Variants in DENND6A observed in about 807,000 individuals in gnomAD.
DENND6A encodes DENN domain containing 6A.
In DENND6A, 43 loss-of-function variants were observed where a neutral mutation model predicts 95.5. The ratio of observed to expected loss-of-function variants is 0.45; its 90% CI spans 0.35 to 0.58. The LOEUF is 0.58. DENND6A is among the 20% of genes least tolerant of loss of function. The pLI is 0.00. For synonymous variants in DENND6A, 257 were observed against 260.4 expected (o/e 0.99, Z 0.13); for missense variants, 574 against 736.0 (o/e 0.78, Z 2.55).
In DENND6A at chr3:57,693,039, G is replaced by C; in HGVS notation, c.-21C>G. ...GCCATCGGCCGCCCCCTGACCGTTC[G>C]CGCCGCCTCCACAGCGGACCGCGCC... is the stretch of plus-strand genomic sequence containing the variant. On this transcript the variant is annotated 5_prime_UTR_variant, in exon 1 of 20. Transcript: ENST00000311128. The C allele has an allele frequency of 7.2e-7, 1 of 1,388,870 alleles. No homozygotes were observed. Among genetic ancestry groups the C allele is most frequent in the Non-Finnish European group, 9.3e-7 (1 of 1,080,562 alleles). The allele number at this position is 1,388,870 out of a possible 1,614,324, so 86.0% of individuals were successfully genotyped here.
At chr3:57,652,651 T>C (rs946513722) in intron 9 of DENND6A, among the ~76,000 whole-genome samples, 1 of 152,206 alleles carries the variant, frequency 6.6e-6, no homozygotes, top group African/African-American at 2.4e-5. Flanking sequence ...GAAAAAACAA[T>C]TAACTTATCA....
chr3:57,647,337 C>T (rs1348776607), intron 9 of DENND6A, among the ~76,000 whole-genome samples: 3 of 152,170 alleles, frequency 2.0e-5, no homozygotes, highest in Non-Finnish European at 2.9e-5. Flanking sequence ...CAAAGGAGCT[C>T]TTCCTCTTCC....
intron 1 of DENND6A, 44 bp downstream of exon 1, chr3:57,692,738 G>A (rs575986989): frequency 6.5e-6 from 9 of 1,391,204 alleles, no homozygotes; most frequent in Non-Finnish European, 8.4e-6. Flanking sequence ...CAGCCGCCCC[G>A]GCGCAGGGGA....
rs552725665 is a variant in DENND6A at position 57,638,984 on chromosome 3, G to GCTA, written c.1132+2666_1132+2668dup. On this transcript the variant is annotated intron_variant, in intron 12 of 19. Transcript: ENST00000311128. The stretch of plus-strand genomic sequence containing the variant: ...GTGGTGGCGTGCACCTGTACTCCCA[G>GCTA]CTACTCGGGAGGCTGAGGCAGAAGG... Among the ~76,000 whole-genome samples, 56 of 152,242 alleles carry GCTA rather than the reference G, an allele frequency of 3.7e-4. No individual in the cohort carries two copies. The East Asian group carries it at 9.1e-3, about 25-fold the overall frequency.
intron 9 of DENND6A, chr3:57,654,646 C>A: frequency 1.0e-6 from 1 of 985,224 alleles, no homozygotes; most frequent in Non-Finnish European, 1.2e-6. Context: ...CAATTCTAAT[C>A]TCACCTCAAA....
intron 1 of DENND6A, among the ~76,000 whole-genome samples, chr3:57,687,347 T>TA (rs2153417600): frequency 6.6e-6 from 1 of 152,322 alleles, no homozygotes; most frequent in Non-Finnish European, 1.5e-5. Flanking sequence ...TCAATTCTGT[T>TA]ACGGCTGAGA....
chr3:57,642,210 A>T (rs1344269333), intron 11 of DENND6A, among the ~76,000 whole-genome samples: 1 of 148,368 alleles, frequency 6.7e-6, no homozygotes, highest in Admixed American at 6.9e-5. Flanking sequence ...GCTACTCAGG[A>T]GGCTGAGGCA....
chr3:57,686,361 A>G (rs1258978961), intron 1 of DENND6A, among the ~76,000 whole-genome samples: 1 of 152,238 alleles, frequency 6.6e-6, no homozygotes, highest in African/African-American at 2.4e-5. Flanking sequence ...ACATAAGATT[A>G]TAACTGCTCT....
chr3:57,672,731 C>T (rs1450506414), intron 1 of DENND6A, among the ~76,000 whole-genome samples: 6 of 151,580 alleles, frequency 4.0e-5, no homozygotes, highest in African/African-American at 1.5e-4. Flanking sequence ...CGTAGTAAGC[C>T]GAGATCATGC....
chr3:57,692,010 C>A (rs1434755861), intron 1 of DENND6A, among the ~76,000 whole-genome samples: 1 of 151,970 alleles, frequency 6.6e-6, no homozygotes, highest in East Asian at 1.9e-4. Context: ...GGCGGGCAGA[C>A]CACCTGAGTC....
chr3:57,684,361 G>C (rs1210512198), intron 1 of DENND6A, among the ~76,000 whole-genome samples: 1 of 152,010 alleles, frequency 6.6e-6, no homozygotes, highest in Non-Finnish European at 1.5e-5. Flanking sequence ...TACTTAGGAG[G>C]CTGAGGCAGG....
intron 1 of DENND6A, among the ~76,000 whole-genome samples, chr3:57,683,708 C>T (rs775242245): frequency 3.9e-5 from 6 of 152,028 alleles, no homozygotes; most frequent in South Asian, 2.1e-4. Flanking sequence ...TTCAAGCTAC[C>T]GCTAGCATTT....
chr3:57,672,137 A>G (rs1190748845), intron 3 of DENND6A, 119 bp downstream of exon 3: 1 of 981,222 alleles, frequency 1.0e-6, no homozygotes, highest in Admixed American at 3.1e-5. Flanking sequence ...AAATAGGAAT[A>G]AAAATCATTG....
intron 1 of DENND6A, among the ~76,000 whole-genome samples, chr3:57,680,157 A>G (rs1316662839): frequency 6.6e-6 from 1 of 152,234 alleles, no homozygotes; most frequent in Non-Finnish European, 1.5e-5. Context: ...AAGTGGATCA[A>G]AGGCCTAAAT....
At chr3:57,635,690 T>C (rs1411824983) in intron 12 of DENND6A, among the ~76,000 whole-genome samples, 1 of 152,180 alleles carries the variant, frequency 6.6e-6, no homozygotes, top group East Asian at 1.9e-4. Context: ...ACAAGGAACA[T>C]TTTCCTTTGC....
chr3:57,687,494 C>G (rs1240930554), intron 1 of DENND6A, among the ~76,000 whole-genome samples: 1 of 152,138 alleles, frequency 6.6e-6, no homozygotes, highest in Non-Finnish European at 1.5e-5. Flanking sequence ...AGCAAGTTAT[C>G]CAGAAAATCT....
intron 3 of DENND6A, among the ~76,000 whole-genome samples, 158 bp from the exon 4 acceptor site, chr3:57,666,393 G>A (rs2071524947): frequency 6.6e-6 from 1 of 152,192 alleles, no homozygotes; most frequent in Non-Finnish European, 1.5e-5. Flanking sequence ...CCAGTGACTT[G>A]CTCAAAGCCA....
In DENND6A at chr3:57,628,724, C is replaced by T. The variant is rs576787860; in HGVS notation, c.1695+87G>A. On this transcript the variant is annotated intron_variant, in intron 19 of 19. Transcript: ENST00000311128. ...CCTCTCATTTAAAAAGTTACTTCTG[C>T]GAACTATCATGGGTTGTCAGCTCAC... is the stretch of plus-strand genomic sequence containing the variant. The T allele has an allele frequency of 1.4e-5, 19 of 1,363,012 alleles. No homozygotes were observed. In the East Asian group the frequency reaches 2.6e-4, roughly 18 times the overall value. The allele number at this position is 1,363,012 out of a possible 1,614,324, so 84.4% of individuals were successfully genotyped here.
intron 12 of DENND6A, among the ~76,000 whole-genome samples, chr3:57,637,874 G>A (rs570473976): frequency 2.0e-5 from 3 of 151,924 alleles, no homozygotes; most frequent in South Asian, 2.1e-4. Flanking sequence ...AGTGGCTCAC[G>A]CTTGTAACCC....
Sources: allele counts gnomAD v4.1 joint callset (sites outside exome capture counted in the v4.1 genomes callset), GRCh38; gene constraint gnomAD v4.1.1; transcripts MANE v1.5; gene names NCBI Gene and HGNC (gene_info 2026-07-23, HGNC 2026-07-21).